The following PCDHGB3 variants were observed in gnomAD, a reference collection of about 807,000 sequenced individuals.
PCDHGB3 encodes the protein protocadherin gamma subfamily B, 3.
PCDHGB3 carries 40 observed loss-of-function variants against 59.2 expected under a neutral mutation model. The ratio of observed to expected loss-of-function variants is 0.68; its 90% confidence interval spans 0.52 to 0.88. PCDHGB3 has a LOEUF of 0.88. Ranked by LOEUF, PCDHGB3 falls within the 40% of genes least tolerant of loss-of-function variation. PCDHGB3 has a pLI of 0.00. For synonymous variants in PCDHGB3, 581 were observed against 503.6 expected, an observed-to-expected ratio of 1.15 and a Z score of -2.06; for missense variants, 1,309 against 1,187.9, an observed-to-expected ratio of 1.10 and a Z score of -1.50.
rs116187844 is a variant in PCDHGB3, at chr5:141,424,198, C to T, written c.2415+51389C>T. The T allele has an allele frequency of 8.5e-3, 1,543 of 182,010 alleles. 28 individuals are homozygous for T. Among genetic ancestry groups the T allele is most frequent in the African/African-American group, 0.035 (1,445 of 41,852 alleles). The allele number at this position is 182,010 out of a possible 1,614,324, so 11.3% of individuals were successfully genotyped here. ...ATACACATGCACACACACTTATACA[C>T]GTAAGCTTTTCTCTGAGCAATTTTA... On this transcript the variant is annotated intron_variant, in intron 1 of 3. Coordinates refer to ENST00000576222, the MANE Select transcript of PCDHGB3 (RefSeq NM_018924.5).
Position 141,431,010 on chromosome 5 carries a change from T to G in PCDHGB3, c.2415+58201T>G. 2 of 1,613,972 alleles carry G rather than the reference T, an allele frequency of 1.2e-6. No individual in the cohort carries two copies. The highest frequency in any genetic ancestry group is 1.7e-6 in the Non-Finnish European group (2 of 1,179,964). The stretch of plus-strand genomic sequence containing the variant: ...GCCCTGAATCCGCGCAGCGGCAGCT[T>G]GGTCACGGCGGGCAGGATAGACCGG... On this transcript the variant is annotated intron_variant, in intron 1 of 3. Transcript: ENST00000576222. The surrounding 1 kb of genome is among the most constrained non-coding windows in gnomAD (Gnocchi z 4.8).
chr5:141,438,037 G>A (rs2097925203), intron 1 of PCDHGB3, among the ~76,000 whole-genome samples: 1 of 151,910 alleles, frequency 6.6e-6, no homozygotes, highest in African/African-American at 2.4e-5. Flanking sequence ...CACCATGCCC[G>A]ACCACTTTGA....
chr5:141,415,590 A>G lies in PCDHGB3; in HGVS notation c.2415+42781A>G, dbSNP rs201666137. On this transcript the variant is annotated intron_variant, in intron 1 of 3. Transcript: ENST00000576222. ...TGTTAGATGATTCGAAGTTTCCTAT[A>G]GAGGATACCCCATTGGTTCCAGTGA... 60 of 1,613,946 alleles carry G rather than the reference A, an allele frequency of 3.7e-5. 1 individual carries two copies. The African/African-American group carries it at 7.2e-4, about 19-fold the overall frequency.
At chr5:141,445,342 T>C (rs1026595756) in intron 1 of PCDHGB3, among the ~76,000 whole-genome samples, 4 of 152,202 alleles carry the variant, frequency 2.6e-5, no homozygotes, top group African/African-American at 9.6e-5. Flanking sequence ...ACAGTAAACA[T>C]TGGTGTCTGC....
chr5:141,487,880 G>T lies in PCDHGB3; in HGVS notation c.2416-6927G>T, dbSNP rs1008153773. ...ATTGGTGATCAAGAGCCAGGCTGTTGTGGAAGCATGATGATGGAATGTGGG... is the reference window on the plus strand; with the variant it reads ...ATTGGTGATCAAGAGCCAGGCTGTTTTGGAAGCATGATGATGGAATGTGGG... On this transcript the variant is annotated intron_variant, in intron 1 of 3. Transcript: ENST00000576222. The surrounding 1 kb of genome is among the most constrained non-coding windows in gnomAD (Gnocchi z 5.0). The T allele has an allele frequency of 3.8e-6, 3 of 784,896 alleles. No individual in the cohort carries two copies. Among genetic ancestry groups the T allele is most frequent in the Non-Finnish European group, 6.0e-6 (3 of 497,074 alleles). 48.6% of individuals were successfully genotyped at this position (784,896 alleles called of 1,614,324 possible).
chr5:141,404,183 G>T lies in PCDHGB3; in HGVS notation c.2415+31374G>T, dbSNP rs759576056. ...CAGATTGTTGACGGCCCAAATTCTT[G>T]ACCGAGAAAAAGCCTCAGAATATAA... On this transcript the variant is annotated intron_variant, in intron 1 of 3. Coordinates refer to ENST00000576222, the MANE Select transcript of PCDHGB3 (RefSeq NM_018924.5). 2.5e-6 allele frequency: 4 copies of T among 1,613,154 alleles called. No individual in the cohort carries two copies. In the South Asian group the frequency reaches 4.4e-5, roughly 18 times the overall value.
intron 1 of PCDHGB3, among the ~76,000 whole-genome samples, chr5:141,447,450 C>G (rs540357899): frequency 1.3e-5 from 2 of 152,082 alleles, no homozygotes; most frequent in African/African-American, 2.4e-5. Context: ...AATTTTTAAC[C>G]TCAGTTTTTC....
chr5:141,413,122 G>A, intron 1 of PCDHGB3: 1 of 1,525,890 alleles, frequency 6.6e-7, no homozygotes. Flanking sequence ...GGAACCGGTT[G>A]AAACACACAA....
rs766638463 is a variant in PCDHGB3 at position 141,476,525 on chromosome 5, A to G, written c.2416-18282A>G. ...CAACGACAACAATCCTGCTTTCCCT[A>G]CCCAGGAAATGAAATTGGAGATTAG... On this transcript the variant is annotated intron_variant, in intron 1 of 3. Transcript: ENST00000576222. This position sits in a 1 kb window ranked among gnomAD's most constrained non-coding sequence, Gnocchi z 7.6. 6 of 1,613,950 alleles carry G rather than the reference A, an allele frequency of 3.7e-6. No homozygotes were observed. The African/African-American group carries it at 6.7e-5, about 18-fold the overall frequency.
Position 141,485,616 on chromosome 5 carries a change from C to T in PCDHGB3, c.2416-9191C>T. On this transcript the variant is annotated intron_variant, in intron 1 of 3. Coordinates refer to ENST00000576222, the MANE Select transcript of PCDHGB3 (RefSeq NM_018924.5). This position sits in a 1 kb window ranked among gnomAD's most constrained non-coding sequence, Gnocchi z 5.7. ...TTGGAAATTGGGGAGGCAGCTCCTCCAGGACAGCGTTTCCCGTTGGAAAAG... is the reference window on the plus strand; with the variant it reads ...TTGGAAATTGGGGAGGCAGCTCCTCTAGGACAGCGTTTCCCGTTGGAAAAG... 1 of 1,612,210 alleles carries T rather than the reference C, an allele frequency of 6.2e-7. No individual in the cohort carries two copies.
At chr5:141,385,188 T>A (rs1352073072) in intron 1 of PCDHGB3, 2 of 1,614,080 alleles carry the variant, frequency 1.2e-6, no homozygotes, top group African/African-American at 1.3e-5. Flanking sequence ...CCGCGGACTC[T>A]CGGAAGAGTC....
rs767038146 is a variant in PCDHGB3, at chr5:141,371,745, G to T, written c.1351G>T (p.Val451Phe). The T allele has an allele frequency of 1.2e-6, 2 of 1,614,002 alleles. No homozygotes were observed. Among genetic ancestry groups the T allele is most frequent in the South Asian group, 2.2e-5 (2 of 91,078 alleles). The change falls in exon 1 of 4, where the codon GTT (valine) becomes TTT (phenylalanine). Residue 451 changes from valine to phenylalanine, a missense_variant. Val to Phe is a conservative substitution (Grantham distance 50, BLOSUM62 -1). Coordinates refer to ENST00000576222, the MANE Select transcript of PCDHGB3 (RefSeq NM_018924.5). ...CCTTGATGTCAACGACAACGTTCCC[G>T]TTTTCCACCAGGCCTCCTACACCGT... ...HILDVNDNVP[V>F]FHQASYTVHV...
intron 1 of PCDHGB3, chr5:141,403,617 G>C: frequency 6.2e-7 from 1 of 1,613,856 alleles, no homozygotes; most frequent in Non-Finnish European, 8.5e-7. Flanking sequence ...GAGCCGCGTC[G>C]CTCCAGCACA....
rs913767837 is a variant in PCDHGB3, at chr5:141,491,909, C to T, written c.2416-2898C>T. 8.5e-6 allele frequency: 12 copies of T among 1,403,834 alleles called. No individual in the cohort carries two copies. Among genetic ancestry groups the T allele is most frequent in the Non-Finnish European group, 1.1e-5 (12 of 1,057,326 alleles). 87.0% of individuals were successfully genotyped at this position (1,403,834 alleles called of 1,614,324 possible). A position where few individuals can be genotyped will look rare whatever the true frequency, so the allele number is the denominator to read the frequency against. Reference sequence around the variant, plus strand: ...GGGCTCCGAGCACCGGGGGTGGTGGCGACTGTGGGCGAGGGGAGGTGGGAC... The same window carrying T: ...GGGCTCCGAGCACCGGGGGTGGTGGTGACTGTGGGCGAGGGGAGGTGGGAC... On this transcript the variant is annotated intron_variant, in intron 1 of 3. Transcript: ENST00000576222. The surrounding 1 kb of genome is among the most constrained non-coding windows in gnomAD (Gnocchi z 6.9).
rs779718690 is a variant in PCDHGB3, at chr5:141,421,727, C to G, written c.2415+48918C>G. ...AGGGATCCAGATGTGGGCGTGAACT[C>G]CCTCCAGAGCTACCAGCTCAGCCCT... On this transcript the variant is annotated intron_variant, in intron 1 of 3. Coordinates refer to ENST00000576222, the MANE Select transcript of PCDHGB3 (RefSeq NM_018924.5). The G allele has an allele frequency of 1.9e-6, 3 of 1,613,916 alleles. No individual in the cohort carries two copies. In the East Asian group the frequency reaches 6.7e-5, roughly 36 times the overall value.
Position 141,454,796 on chromosome 5 carries a change from A to ATTT in PCDHGB3, c.2416-39984_2416-39982dup, listed in dbSNP as rs61612330. 3.3e-3 allele frequency among the ~76,000 whole-genome samples: 253 copies of ATTT among 77,450 alleles called. 31 individuals carry two copies. The highest frequency in any genetic ancestry group is 0.02 in the South Asian group (39 of 1,960). The allele number at this position is 77,450 out of a possible 152,430, so 50.8% of individuals were successfully genotyped here. ...AAGGAAATAATCCTCCATGGTTCTA[A>ATTT]TTTTTTTTTTTTTTTTTTTTTTTTT... On this transcript the variant is annotated intron_variant, in intron 1 of 3. Coordinates refer to ENST00000576222, the MANE Select transcript of PCDHGB3 (RefSeq NM_018924.5).
intron 1 of PCDHGB3, chr5:141,419,837 C>G (rs778271441): frequency 1.2e-6 from 2 of 1,614,090 alleles, no homozygotes; most frequent in South Asian, 2.2e-5. Context: ...CACTGCCACG[C>G]TGCACCTGGT....
chr5:141,490,419 G>T lies in PCDHGB3; in HGVS notation c.2416-4388G>T, dbSNP rs1424302713. ...TGAGCCTTGATATCTCTCCGGACCT[G>T]CCATTTCAGATTAAGCCTTCTGAGA... is the stretch of plus-strand genomic sequence containing the variant. On this transcript the variant is annotated intron_variant, in intron 1 of 3. Transcript: ENST00000576222. The surrounding 1 kb of genome is among the most constrained non-coding windows in gnomAD (Gnocchi z 5.4). The T allele has an allele frequency of 6.2e-7, 1 of 1,614,170 alleles. No homozygotes were observed. The highest frequency in any genetic ancestry group is 8.5e-7 in the Non-Finnish European group (1 of 1,180,020).
At position 141,487,636 on chromosome 5, in the gene PCDHGB3, A is replaced by G. The variant is rs780468230; in HGVS notation, c.2416-7171A>G. 3 of 1,614,192 alleles carry G rather than the reference A, an allele frequency of 1.9e-6. No homozygotes were observed. Among genetic ancestry groups the G allele is most frequent in the Non-Finnish European group, 1.7e-6 (2 of 1,180,030 alleles). Reference sequence around the variant, plus strand: ...TAGAGGTGAGACCTTTGCAGGCTCAACAAATGCTTGAGGGTTATTCTGATC... The same window carrying G: ...TAGAGGTGAGACCTTTGCAGGCTCAGCAAATGCTTGAGGGTTATTCTGATC... On this transcript the variant is annotated intron_variant, in intron 1 of 3. Transcript: ENST00000576222. This position sits in a 1 kb window ranked among gnomAD's most constrained non-coding sequence, Gnocchi z 5.0.
Sources: allele counts gnomAD v4.1 joint callset (sites outside exome capture counted in the v4.1 genomes callset), GRCh38; gene constraint gnomAD v4.1.1; non-coding constraint Gnocchi (gnomAD v3.1); transcripts MANE v1.5; gene names NCBI Gene and HGNC (gene_info 2026-07-23, HGNC 2026-07-21).